The following WWOX variants were observed in gnomAD, a reference collection of about 807,000 sequenced individuals.
The protein encoded by WWOX is WW domain-containing oxidoreductase.
Under a neutral mutation model 46.2 loss-of-function variants are expected in WWOX, and 69 were observed. The observed-to-expected ratio is 1.49, with a 90% CI of 1.23 to 1.82. WWOX has a LOEUF of 1.82. Ranked by LOEUF, WWOX falls within the 40% of genes most tolerant of loss-of-function variation. The probability of loss-of-function intolerance (pLI) is 0.00; values close to 1 mark genes in which losing one functional copy is unlikely to be tolerated. For missense variants in WWOX, 919 were observed against 542.6 expected (o/e 1.69, Z -6.89); for synonymous variants, 359 against 202.6 (o/e 1.77, Z -6.56).
intron 4 of WWOX, among the ~76,000 whole-genome samples, chr16:78,125,678 A>G (rs897714096): frequency 3.9e-5 from 6 of 152,164 alleles, no homozygotes; most frequent in African/African-American, 1.4e-4. Context: ...CCTGGGCAAC[A>G]TAGCAAGACC....
chr16:78,248,971 C>T (rs549451521), intron 5 of WWOX, among the ~76,000 whole-genome samples: 1 of 150,932 alleles, frequency 6.6e-6, no homozygotes, highest in South Asian at 2.1e-4. Context: ...ATTCTCCTGC[C>T]TCAGCCTCCG....
intron 4 of WWOX, among the ~76,000 whole-genome samples, chr16:78,127,047 A>C (rs2033391539): frequency 6.6e-6 from 1 of 152,206 alleles, no homozygotes; most frequent in African/African-American, 2.4e-5. Context: ...CTATCTGGAA[A>C]GATGTAGGAG....
chr16:78,358,844 A>G, intron 5 of WWOX, among the ~76,000 whole-genome samples: 1 of 146,542 alleles, frequency 6.8e-6, no homozygotes, highest in Middle Eastern at 3.8e-3. Context: ...TATATTTCAT[A>G]AAGTTGAAAT....
At chr16:78,599,273 G>C (rs1209933190) in intron 8 of WWOX, among the ~76,000 whole-genome samples, 1 of 152,194 alleles carries the variant, frequency 6.6e-6, no homozygotes, top group Non-Finnish European at 1.5e-5. Flanking sequence ...AGCTTTGTCT[G>C]TGAACCTCCG....
At chr16:78,960,643 C>T (rs1008878472) in intron 8 of WWOX, among the ~76,000 whole-genome samples, 3 of 152,200 alleles carry the variant, frequency 2.0e-5, no homozygotes, top group Non-Finnish European at 4.4e-5. Context: ...AAGGTTCTCA[C>T]AGTCTGGAGG....
chr16:79,104,954 G>C (rs1360052205), intron 8 of WWOX, among the ~76,000 whole-genome samples: 1 of 152,194 alleles, frequency 6.6e-6, no homozygotes, highest in East Asian at 1.9e-4. Context: ...TTAGGGGTCA[G>C]GGGGAGGGTG....
intron 8 of WWOX, among the ~76,000 whole-genome samples, chr16:78,530,428 C>G (rs2043594541): frequency 1.3e-5 from 2 of 152,148 alleles, no homozygotes; most frequent in African/African-American, 4.8e-5. Flanking sequence ...AAAAAGAAGA[C>G]AAAGCAGGAA....
intron 8 of WWOX, among the ~76,000 whole-genome samples, chr16:78,971,448 CAAA>C (rs71140852): frequency 3.1e-4 from 35 of 111,880 alleles, no homozygotes; most frequent in African/African-American, 1.0e-3. Context: ...GACTCTGTGT[CAAA>C]AAAAAAAAAA....
intron 8 of WWOX, among the ~76,000 whole-genome samples, chr16:78,543,196 C>T (rs527745645): frequency 6.6e-6 from 1 of 152,188 alleles, no homozygotes; most frequent in Non-Finnish European, 1.5e-5. Flanking sequence ...GCACAGATGG[C>T]CTTCTTGATC....
chr16:78,393,158 G>T (rs1302412101), intron 6 of WWOX, among the ~76,000 whole-genome samples: 2 of 152,182 alleles, frequency 1.3e-5, no homozygotes, highest in Non-Finnish European at 2.9e-5. Flanking sequence ...AGTATGAAGA[G>T]CTGGGACCCT....
At chr16:78,927,976 T>G (rs9936628) in intron 8 of WWOX, among the ~76,000 whole-genome samples, 33,183 of 151,754 alleles carry the variant, frequency 0.22, 5,841 homozygotes, top group African/African-American at 0.5. Flanking sequence ...CTCAGGGTTT[T>G]TGTGTGTGTG....
intron 5 of WWOX, among the ~76,000 whole-genome samples, chr16:78,194,732 C>G (rs55865757): frequency 0.048 from 7,372 of 152,230 alleles, 272 homozygotes; most frequent in Non-Finnish European, 0.067. Flanking sequence ...CCCCAAACCC[C>G]TACCCTTAAC....
chr16:79,049,968 A>T (rs1410684480), intron 8 of WWOX, among the ~76,000 whole-genome samples: 1 of 152,128 alleles, frequency 6.6e-6, no homozygotes, highest in East Asian at 1.9e-4. Context: ...AGAAAAAAAC[A>T]TGTCATGCTT....
chr16:78,521,057 T>C (rs1460439486), intron 8 of WWOX, among the ~76,000 whole-genome samples: 2 of 152,158 alleles, frequency 1.3e-5, no homozygotes, highest in African/African-American at 4.8e-5. Context: ...TCCCTGAGCC[T>C]TGTAGAATTG....
At chr16:78,751,453 A>G (rs1011486620) in intron 8 of WWOX, among the ~76,000 whole-genome samples, 3 of 101,734 alleles carry the variant, frequency 2.9e-5, no homozygotes, top group Non-Finnish European at 5.5e-5. Flanking sequence ...ATATATATTT[A>G]TCAGATTTTA....
At chr16:78,361,729 A>T (rs574063031) in intron 5 of WWOX, among the ~76,000 whole-genome samples, 8 of 152,030 alleles carry the variant, frequency 5.3e-5, no homozygotes, top group Non-Finnish European at 1.0e-4. Flanking sequence ...CTCCCGTCTC[A>T]GCCTCCCAAG....
At chr16:78,506,046 C>T (rs893663365) in intron 8 of WWOX, among the ~76,000 whole-genome samples, 5 of 152,256 alleles carry the variant, frequency 3.3e-5, no homozygotes, top group African/African-American at 1.2e-4. Context: ...CCTGGATCTT[C>T]TGCTGAGTAT....
chr16:78,424,234 C>T (rs1019054940), intron 6 of WWOX, among the ~76,000 whole-genome samples: 24 of 151,066 alleles, frequency 1.6e-4, no homozygotes, highest in African/African-American at 5.8e-4. Flanking sequence ...TCTCCGGCCT[C>T]AGCCTCCTGA....
At chr16:78,361,777 A>G (rs1262153442) in intron 5 of WWOX, among the ~76,000 whole-genome samples, 1 of 151,870 alleles carries the variant, frequency 6.6e-6, no homozygotes, top group African/African-American at 2.4e-5. Context: ...ATGCCCAGCT[A>G]ATTTTTATAT....
Sources: allele counts gnomAD v4.1 joint callset (sites outside exome capture counted in the v4.1 genomes callset), GRCh38; gene constraint gnomAD v4.1.1; transcripts MANE v1.5; gene names NCBI Gene and HGNC (gene_info 2026-07-23, HGNC 2026-07-21).